KIAA1217: variants seen among roughly 807,000 people sequenced by gnomAD.
KIAA1217 encodes sickle tail protein homolog.
A neutral mutation model predicts 163.9 loss-of-function variants in KIAA1217; 88 were observed. The ratio of observed to expected loss-of-function variants is 0.54; its 90% CI spans 0.45 to 0.64. The LOEUF (loss-of-function observed/expected upper bound fraction) is 0.64. Among genes scored for constraint, KIAA1217 ranks in the 30% least tolerant of loss-of-function variants. KIAA1217 has a pLI of 0.00. For missense variants in KIAA1217, 2,372 were observed against 2,475.0 expected, an observed-to-expected ratio of 0.96 and a Z score of 0.88; for synonymous variants, 903 against 923.1, an observed-to-expected ratio of 0.98 and a Z score of 0.39.
chr10:24,292,676 C>G (rs1309855682), intron 2 of KIAA1217, among the ~76,000 whole-genome samples: 1 of 152,074 alleles, frequency 6.6e-6, no homozygotes, highest in Non-Finnish European at 1.5e-5. Flanking sequence ...TGGAGAAACC[C>G]ATTGCTCTGC....
At chr10:23,730,852 A>C (rs182269830) in intron 1 of KIAA1217, among the ~76,000 whole-genome samples, 6 of 152,274 alleles carry the variant, frequency 3.9e-5, no homozygotes, top group African/African-American at 1.4e-4. Flanking sequence ...GTATTCTGAA[A>C]CCTTGCTATA....
In KIAA1217 at chr10:24,473,305, T is replaced by A. The variant is rs758926758; in HGVS notation, c.924T>A (p.His308Gln). Residue 308 changes from histidine (H) to glutamine (Q), a missense_variant, in exon 6 of 21, where the codon CAT (histidine) becomes CAA (glutamine). Coordinates refer to ENST00000376454, the MANE Select transcript of KIAA1217 (RefSeq NM_019590.5). The part of the protein sequence containing the change: ...PRPGSTAHPP[H>Q]AIPNSPPSTP... ...CCGGATCTACTGCTCATCCACCCCA[T>A]GCGATTCCAAATTCCCCACCGTCTA... The A allele has an allele frequency of 5.8e-6, 9 of 1,555,906 alleles. No individual in the cohort carries two copies. Among genetic ancestry groups the A allele is most frequent in the Non-Finnish European group, 7.8e-6 (9 of 1,151,132 alleles).
chr10:24,305,788 C>A (rs962622943), intron 2 of KIAA1217, among the ~76,000 whole-genome samples: 3 of 152,174 alleles, frequency 2.0e-5, no homozygotes, highest in Non-Finnish European at 4.4e-5. Flanking sequence ...GACGTGTCAT[C>A]TTTGTGGAGC....
intron 1 of KIAA1217, among the ~76,000 whole-genome samples, chr10:23,975,955 G>A (rs115903698): frequency 4.6e-5 from 7 of 152,032 alleles, no homozygotes; most frequent in Non-Finnish European, 7.4e-5. Flanking sequence ...TCAACTCTAG[G>A]AGCTCACTAG....
chr10:24,476,614 G>A (rs529766516), intron 6 of KIAA1217, among the ~76,000 whole-genome samples: 3 of 152,210 alleles, frequency 2.0e-5, no homozygotes, highest in Admixed American at 6.5e-5. Flanking sequence ...ACATATGATT[G>A]TAATTATGAA....
At chr10:24,358,292 G>T in intron 2 of KIAA1217, among the ~76,000 whole-genome samples, 1 of 152,156 alleles carries the variant, frequency 6.6e-6, no homozygotes. Context: ...TCATCCCGAT[G>T]TCCATGGGCT....
chr10:23,716,458 TATTA>T (rs1837575693), intron 1 of KIAA1217, among the ~76,000 whole-genome samples: 1 of 152,308 alleles, frequency 6.6e-6, no homozygotes, highest in East Asian at 1.9e-4. Flanking sequence ...AATCACCAAT[TATTA>T]ATTAAGACAT....
At chr10:24,098,724 C>CATGTGTGTGT (rs1554865619) in intron 2 of KIAA1217, among the ~76,000 whole-genome samples, 2 of 139,278 alleles carry the variant, frequency 1.4e-5, no homozygotes, top group African/African-American at 5.4e-5. Context: ...TGAAGGGGAG[C>CATGTGTGTGT]GTGTGTGTGT....
intron 1 of KIAA1217, among the ~76,000 whole-genome samples, chr10:23,701,674 A>G (rs1285480076): frequency 6.6e-6 from 1 of 152,244 alleles, no homozygotes; most frequent in Non-Finnish European, 1.5e-5. Context: ...AATAGCCTGT[A>G]TAAATAGCCT....
At chr10:23,878,344 C>T (rs770343924) in intron 1 of KIAA1217, among the ~76,000 whole-genome samples, 4 of 151,838 alleles carry the variant, frequency 2.6e-5, no homozygotes, top group Admixed American at 6.6e-5. Context: ...TTCTGTCTTG[C>T]TTAAAATGAT....
At chr10:24,344,012 A>G (rs1322530208) in intron 2 of KIAA1217, among the ~76,000 whole-genome samples, 1 of 152,154 alleles carries the variant, frequency 6.6e-6, no homozygotes, top group South Asian at 2.1e-4. Flanking sequence ...TGCAGGGGGA[A>G]GATTTGCAAA....
chr10:23,970,018 G>C (rs985881679), intron 1 of KIAA1217, among the ~76,000 whole-genome samples: 1 of 152,182 alleles, frequency 6.6e-6, no homozygotes, highest in Non-Finnish European at 1.5e-5. Flanking sequence ...ACTACCATGA[G>C]AACAGTATGG....
At position 24,545,858 on chromosome 10, in the gene KIAA1217, A is replaced by G; in HGVS notation, c.5366A>G (p.Asp1789Gly). 1 of 1,605,028 alleles carries G rather than the reference A, an allele frequency of 6.2e-7. No individual in the cohort carries two copies. The highest frequency in any genetic ancestry group is 8.5e-7 in the Non-Finnish European group (1 of 1,176,684). The change falls in exon 21 of 21, where the codon GAC (aspartate) becomes GGC (glycine). Residue 1789 changes from aspartate (D) to glycine (G), a missense_variant. Coordinates refer to ENST00000376454, the MANE Select transcript of KIAA1217 (RefSeq NM_019590.5). ...GGAAGTGCTAAGAAATCTGGTGGGG[A>G]CTTTAAGCCTACTTCCCCCTCCTTA... ...ANGSAKKSGG[D>G]FKPTSPSLPA...
At chr10:24,208,647 T>C (rs944157926), upstream of KIAA1217, 3 of 152,502 alleles carry the variant, frequency 2.0e-5, no homozygotes, top group African/African-American at 7.2e-5. Context: ...TTTGGGAGGT[T>C]CAACAGGTTG....
At chr10:23,877,062 C>A (rs546040448) in intron 1 of KIAA1217, among the ~76,000 whole-genome samples, 1 of 152,074 alleles carries the variant, frequency 6.6e-6, no homozygotes, top group South Asian at 2.1e-4. Flanking sequence ...GTGACAGGAT[C>A]ATTTCTAGGG....
chr10:24,209,112 C>G (rs545313990), upstream of KIAA1217: 1 of 1,296,716 alleles, frequency 7.7e-7, no homozygotes, highest in South Asian at 1.2e-5. Context: ...CCCGGGCCCC[C>G]TCCCAGGCGC....
At chr10:23,752,523 A>T (rs999642821) in intron 1 of KIAA1217, among the ~76,000 whole-genome samples, 2 of 152,240 alleles carry the variant, frequency 1.3e-5, no homozygotes, top group African/African-American at 4.8e-5. Context: ...AGCTTGATAT[A>T]GGCTCCAATT....
intron 2 of KIAA1217, chr10:24,275,736 A>G (rs368831545): frequency 8.4e-4 from 447 of 533,602 alleles, no homozygotes; most frequent in Middle Eastern, 1.6e-3. Flanking sequence ...TCCCATTTAA[A>G]AGTAATGGCA....
chr10:23,829,390 C>T (rs942182646), intron 1 of KIAA1217, among the ~76,000 whole-genome samples: 2 of 152,152 alleles, frequency 1.3e-5, no homozygotes, highest in African/African-American at 4.8e-5. Context: ...TGTTATTCGT[C>T]TTCTCCATGG....
Sources: allele counts gnomAD v4.1 joint callset (sites outside exome capture counted in the v4.1 genomes callset), GRCh38; gene constraint gnomAD v4.1.1; transcripts MANE v1.5; gene names NCBI Gene and HGNC (gene_info 2026-07-23, HGNC 2026-07-21).